The following WRN variants were observed in gnomAD, a reference collection of about 807,000 sequenced individuals.
WRN encodes the protein bifunctional 3'-5' exonuclease/ATP-dependent helicase WRN.
In WRN, 149 loss-of-function variants were observed where a neutral mutation model predicts 180.7. The observed-to-expected ratio is 0.82, with a 90% confidence interval of 0.72 to 0.94. The LOEUF is 0.94. WRN is among the 40% of genes least tolerant of loss of function. The pLI is 0.00. For missense variants in WRN, 1,661 were observed against 1,700.1 expected, an observed-to-expected ratio of 0.98 and a Z score of 0.40; for synonymous variants, 548 against 568.9, an observed-to-expected ratio of 0.96 and a Z score of 0.52.
At chr8:31,045,682 G>C (rs1164524635) in intron 1 of WRN, among the ~76,000 whole-genome samples, 1 of 152,268 alleles carries the variant, frequency 6.6e-6, no homozygotes, top group East Asian at 1.9e-4. Context: ...GATTACAGGT[G>C]TGAGCCACCT....
At chr8:31,071,070 T>C (rs971451836) in intron 7 of WRN, among the ~76,000 whole-genome samples, 3 of 148,514 alleles carry the variant, frequency 2.0e-5, no homozygotes, top group Admixed American at 1.3e-4. Context: ...AAAAGTTAGC[T>C]AGCTGAAGAG....
chr8:31,045,582 A>G (rs1811830678), intron 1 of WRN, among the ~76,000 whole-genome samples: 1 of 151,956 alleles, frequency 6.6e-6, no homozygotes, highest in South Asian at 2.1e-4. Context: ...TTGTATTTTT[A>G]GTAGAGATGG....
chr8:31,081,178 AAG>A lies in WRN; in HGVS notation c.1155_1156del (p.Asn386TyrfsTer15). ...GATGGAGTAGAAGACAACAAATTGAAAGAGAATATGGAAAGAGCTTGTTTGAT... is the reference window on the plus strand; with the variant it reads ...GATGGAGTAGAAGACAACAAATTGAAAGAATATGGAAAGAGCTTGTTTGAT... On this transcript the variant is annotated frameshift_variant, in exon 9 of 35. Transcript: ENST00000298139. LOFTEE classifies it high-confidence loss of function. 6.2e-7 allele frequency: 1 copy of A among 1,614,108 alleles called. No homozygotes were observed. Among genetic ancestry groups the A allele is most frequent in the Non-Finnish European group, 8.5e-7 (1 of 1,179,984 alleles).
At chr8:31,058,678 T>G (rs560980155) in intron 2 of WRN, 135 bp downstream of exon 2, 15 of 846,262 alleles carry the variant, frequency 1.8e-5, no homozygotes, top group African/African-American at 1.3e-4. Context: ...CACCAGGACC[T>G]AGTTGTTGAA....
chr8:31,140,003 GTTTTTTTTTTTTTTT>G (rs71539917), intron 24 of WRN, among the ~76,000 whole-genome samples: 4 of 62,086 alleles, frequency 6.4e-5, no homozygotes, highest in Non-Finnish European at 1.2e-4. Flanking sequence ...ATACTTCTTT[GTTTTTTTTTTTTTTT>G]TTTTTTTTTT....
Position 31,090,504 on chromosome 8 carries a change from A to C in WRN, c.1692A>C (p.Arg564Ser). ...TGATTCATTCAGTATTAGAAGAAAGAAGAGATAATGTTGCTGTCATGGCAA... is the reference window on the plus strand; with the variant it reads ...TGATTCATTCAGTATTAGAAGAAAGCAGAGATAATGTTGCTGTCATGGCAA... ...WKVIHSVLEERRDNVAVMATG... is the reference protein window; with the variant it reads ...WKVIHSVLEESRDNVAVMATG... Residue 564 changes from arginine (R) to serine (S), a missense_variant, in exon 14 of 35, where the codon AGA (arginine) becomes AGC (serine). By Grantham distance (110) the Arg-to-Ser change is moderately radical. Around this residue, in one of 3 missense-constraint regions of WRN, gnomAD observed 1,141 missense variants for 1,149.4 expected, o/e 0.99. Transcript: ENST00000298139. 1 of 1,612,340 alleles carries C rather than the reference A, an allele frequency of 6.2e-7. No individual in the cohort carries two copies. Among genetic ancestry groups the C allele is most frequent in the Non-Finnish European group, 8.5e-7 (1 of 1,178,796 alleles).
intron 1 of WRN, among the ~76,000 whole-genome samples, chr8:31,048,308 C>A (rs986002530): frequency 1.6e-4 from 24 of 152,142 alleles, no homozygotes; most frequent in African/African-American, 5.1e-4. Context: ...GTCTTGAAAG[C>A]TTCTTTAATT....
At position 31,142,628 on chromosome 8, in the gene WRN, C is replaced by A. The variant is rs3087414; in HGVS notation, c.3236C>A (p.Ser1079Ter). 3 of 1,593,142 alleles carry A rather than the reference C, an allele frequency of 1.9e-6. No homozygotes were observed. The highest frequency in any genetic ancestry group is 2.3e-5 in the South Asian group (2 of 85,264). ...AATTTAATTTTATTATTTTTTAGTT[C>A]GAAAACTGTATCTTCGGGCACCAAA... Reference protein sequence around the residue: ...LCPKKLLLPSSKTVSSGTKEH... With the variant: ...LCPKKLLLPS The change falls in exon 27 of 35, where the codon TCG becomes TAG. Residue 1079 changes from serine to a stop codon, truncating the protein, a stop_gained and splice_region_variant. Transcript: ENST00000298139. LOFTEE classifies it high-confidence loss of function.
intron 19 of WRN, 49 bp downstream of exon 19, chr8:31,111,848 T>G: frequency 6.3e-7 from 1 of 1,599,282 alleles, no homozygotes; most frequent in East Asian, 2.2e-5. Flanking sequence ...CCTTTTTTTT[T>G]TTTTAACAAC....
chr8:31,139,514 G>A lies in WRN; in HGVS notation c.2968-1916G>A, dbSNP rs188843942. On this transcript the variant is annotated intron_variant, in intron 24 of 34. Transcript: ENST00000298139. ...CTGTGGCCTCTTCTGTGATCAAGAA[G>A]CCATCTGTCAACTTGGGAAGCTTCC... 3.9e-5 allele frequency among the ~76,000 whole-genome samples: 6 copies of A among 152,266 alleles called. 1 individual carries two copies. Among genetic ancestry groups the A allele is most frequent in the African/African-American group, 1.4e-4 (6 of 41,566 alleles).
chr8:31,158,644 G>A lies in WRN; in HGVS notation c.3982+1114G>A, dbSNP rs188401663. ...GTGAACAATTCCCCCCAAGAATTTGGAAGATCACTCTCTGAAAGCACAGTC... is the reference window on the plus strand; with the variant it reads ...GTGAACAATTCCCCCCAAGAATTTGAAAGATCACTCTCTGAAAGCACAGTC... On this transcript the variant is annotated intron_variant, in intron 33 of 34. Transcript: ENST00000298139. Among the ~76,000 whole-genome samples, 191 of 152,196 alleles carry A rather than the reference G, an allele frequency of 1.3e-3. 2 individuals are homozygous for A. The highest frequency in any genetic ancestry group is 4.3e-3 in the African/African-American group (180 of 41,524).
At chr8:31,132,222 A>G (rs1802207408) in intron 23 of WRN, 143 bp from the exon 24 acceptor site, 2 of 934,942 alleles carry the variant, frequency 2.1e-6, no homozygotes, top group African/African-American at 1.7e-5. Flanking sequence ...ATACTCGGGT[A>G]TAATGAACTT....
At position 31,080,891 on chromosome 8, in the gene WRN, TTCAGAAAA is replaced by T. The variant is rs752312589; in HGVS notation, c.867_874del (p.Glu290IlefsTer12). On this transcript the variant is annotated frameshift_variant, in exon 9 of 35. Coordinates refer to ENST00000298139, the MANE Select transcript of WRN (RefSeq NM_000553.6). LOFTEE classifies it high-confidence loss of function. ...GGGTTTCTATCTTACTAAAGGATATTTCAGAAAATCTATATTCACTGAGGAGGATGATA... is the reference window on the plus strand; with the variant it reads ...GGGTTTCTATCTTACTAAAGGATATTTCTATATTCACTGAGGAGGATGATA... 6.2e-7 allele frequency: 1 copy of T among 1,608,350 alleles called. No individual in the cohort carries two copies. The highest frequency in any genetic ancestry group is 8.5e-7 in the Non-Finnish European group (1 of 1,178,562).
At chr8:31,098,456 G>A (rs886785001) in intron 17 of WRN, among the ~76,000 whole-genome samples, 1 of 152,130 alleles carries the variant, frequency 6.6e-6, no homozygotes, top group Non-Finnish European at 1.5e-5. Flanking sequence ...TGTAATGGAT[G>A]AGTTATGGAC....
chr8:31,110,564 C>G (rs1028671539), intron 18 of WRN, among the ~76,000 whole-genome samples: 3 of 151,950 alleles, frequency 2.0e-5, no homozygotes, highest in African/African-American at 7.2e-5. Flanking sequence ...ATAAATTGAT[C>G]TTGTTTTAAT....
chr8:31,059,735 A>G (rs1812414034), intron 3 of WRN, among the ~76,000 whole-genome samples: 1 of 152,184 alleles, frequency 6.6e-6, no homozygotes, highest in African/African-American at 2.4e-5. Context: ...TAACAGTTGT[A>G]GCAAATGATC....
chr8:31,117,923 A>G (rs1429735891), intron 20 of WRN, among the ~76,000 whole-genome samples: 1 of 152,108 alleles, frequency 6.6e-6, no homozygotes, highest in Non-Finnish European at 1.5e-5. Flanking sequence ...CTGTTATTTC[A>G]GTGTCTTGAA....
At chr8:31,095,118 G>A (rs11574253) in intron 16 of WRN, among the ~76,000 whole-genome samples, 4 of 152,032 alleles carry the variant, frequency 2.6e-5, no homozygotes, top group Admixed American at 2.0e-4. Flanking sequence ...ACTTAGTCTG[G>A]CTGATCTTTA....
chr8:31,150,204 G>C, intron 30 of WRN, 137 bp from the exon 31 acceptor site: 1 of 735,168 alleles, frequency 1.4e-6, no homozygotes, highest in Non-Finnish European at 2.4e-6. Context: ...ATTATACGTT[G>C]TTTTTGGTTG....
Sources: gnomAD v4.1 joint callset for allele counts (sites outside exome capture counted in the v4.1 genomes callset) on GRCh38, gnomAD v4.1.1 for gene constraint, gnomAD v4.1.1 regional missense constraint, MANE v1.5 for transcripts, NCBI Gene and HGNC (gene_info 2026-07-23, HGNC 2026-07-21) for gene names.